The following MTFR1 variants were observed in gnomAD, a reference collection of about 807,000 sequenced individuals.
The protein encoded by MTFR1 is mitochondrial fission regulator 1, also known as chondrocyte protein with a poly-proline region.
MTFR1 carries 28 observed loss-of-function variants against 38.8 expected under a neutral mutation model. That is an observed-to-expected ratio of 0.72 (90% CI 0.53 to 0.99). The LOEUF (loss-of-function observed/expected upper bound fraction) is 0.99. MTFR1 is among the 50% of genes least tolerant of loss of function. The pLI is 0.00. For synonymous variants in MTFR1, 145 were observed against 137.0 expected (o/e 1.06, Z -0.41); for missense variants, 358 against 395.5 (o/e 0.91, Z 0.81).
chr8:65,727,435 T>G (rs528909618), intron 3 of MTFR1: 2 of 1,299,296 alleles, frequency 1.5e-6, no homozygotes, highest in African/African-American at 1.5e-5. Flanking sequence ...CTCAGGTGGT[T>G]GTTCATTAGG....
chr8:65,711,596 C>G (rs910513525), downstream of MTFR1, among the ~76,000 whole-genome samples: 1 of 152,186 alleles, frequency 6.6e-6, no homozygotes, highest in Admixed American at 6.5e-5. Flanking sequence ...GCATTCTTCT[C>G]TGCTACCCTA....
chr8:65,656,937 C>T (rs1156541460), intron 1 of MTFR1, among the ~76,000 whole-genome samples: 2 of 152,118 alleles, frequency 1.3e-5, no homozygotes, highest in African/African-American at 2.4e-5. Context: ...TGAGCCACCA[C>T]ACCTGCAGGA....
At chr8:65,758,565 GCA>G (rs1808345414) in intron 3 of MTFR1, among the ~76,000 whole-genome samples, 1 of 152,184 alleles carries the variant, frequency 6.6e-6, no homozygotes, top group Non-Finnish European at 1.5e-5. Flanking sequence ...CTGAATGTGA[GCA>G]CACACTTGTG....
chr8:65,681,353 C>T (rs1563445736), intron 2 of MTFR1, among the ~76,000 whole-genome samples: 1 of 152,222 alleles, frequency 6.6e-6, no homozygotes, highest in Non-Finnish European at 1.5e-5. Flanking sequence ...CTCCTGGCCT[C>T]AGGTGATCCG....
intron 3 of MTFR1, among the ~76,000 whole-genome samples, chr8:65,767,373 A>G (rs1245274793): frequency 6.6e-6 from 1 of 152,264 alleles, no homozygotes; most frequent in Non-Finnish European, 1.5e-5. Context: ...CAGGTTGAAT[A>G]AAAGTTTTTA....
intron 3 of MTFR1, chr8:65,724,899 C>CT: frequency 6.2e-7 from 1 of 1,603,182 alleles, no homozygotes; most frequent in Non-Finnish European, 8.5e-7. Flanking sequence ...ATCAGAGCAC[C>CT]TATCTGTGTC....
intron 3 of MTFR1, among the ~76,000 whole-genome samples, chr8:65,733,374 A>C (rs1806983971): frequency 6.6e-6 from 1 of 152,166 alleles, no homozygotes; most frequent in Non-Finnish European, 1.5e-5. Flanking sequence ...TCCACTTACC[A>C]GATTGTATGG....
rs368742132 is a variant in MTFR1 at position 65,698,792 on chromosome 8, G to A, written c.281+5033G>A. 7.5e-4 allele frequency among the ~76,000 whole-genome samples: 113 copies of A among 151,326 alleles called. 2 individuals are homozygous for A. In the South Asian group the frequency reaches 0.023, roughly 31 times the overall value. ...TGCCCAGGCTGGAGTGCAATGGCACGATCTCGGCTCACTGCAACCTCCACC... is the reference window on the plus strand; with the variant it reads ...TGCCCAGGCTGGAGTGCAATGGCACAATCTCGGCTCACTGCAACCTCCACC... On this transcript the variant is annotated intron_variant, in intron 4 of 7. Coordinates refer to ENST00000262146, the MANE Select transcript of MTFR1 (RefSeq NM_014637.4).
intron 3 of MTFR1, chr8:65,728,217 CACTTA>C (rs1423332551): frequency 1.3e-5 from 2 of 152,078 alleles, no homozygotes; most frequent in South Asian, 4.1e-4. Context: ...GAGCATACAC[CACTTA>C]TATTAAGTAT....
intron 3 of MTFR1, among the ~76,000 whole-genome samples, chr8:65,738,316 T>A (rs1036126089): frequency 6.6e-6 from 1 of 152,222 alleles, no homozygotes; most frequent in African/African-American, 2.4e-5. Context: ...CTGGGCACTA[T>A]ATGAAATATC....
intron 3 of MTFR1, among the ~76,000 whole-genome samples, chr8:65,746,423 C>A (rs1807680587): frequency 6.6e-6 from 1 of 152,090 alleles, no homozygotes; most frequent in African/African-American, 2.4e-5. Flanking sequence ...ACACTTCTAA[C>A]TTATGGATAT....
At chr8:65,680,237 C>T (rs1240331817) in intron 2 of MTFR1, among the ~76,000 whole-genome samples, 1 of 152,102 alleles carries the variant, frequency 6.6e-6, no homozygotes, top group Non-Finnish European at 1.5e-5. Context: ...AATCCTAACT[C>T]ACTGCAGCCT....
chr8:65,749,087 C>T (rs1208841728), intron 3 of MTFR1, among the ~76,000 whole-genome samples: 1 of 152,224 alleles, frequency 6.6e-6, no homozygotes, highest in Non-Finnish European at 1.5e-5. Flanking sequence ...ATTCAGTACA[C>T]TGCCCCTATC....
intron 2 of MTFR1, among the ~76,000 whole-genome samples, chr8:65,678,937 A>T (rs1804798537): frequency 6.6e-6 from 1 of 152,152 alleles, no homozygotes; most frequent in Non-Finnish European, 1.5e-5. Flanking sequence ...TGTTGAAGGC[A>T]CCTAGTATTT....
chr8:65,673,524 C>T (rs1164146966), intron 2 of MTFR1, among the ~76,000 whole-genome samples: 4 of 151,534 alleles, frequency 2.6e-5, no homozygotes, highest in Admixed American at 1.3e-4. Context: ...TTGATGGGTG[C>T]AGCAAACCAC....
chr8:65,771,905 A>G (rs58251794), downstream of MTFR1, among the ~76,000 whole-genome samples: 3,963 of 144,462 alleles, frequency 0.027, 162 homozygotes, highest in African/African-American at 0.091. Context: ...AAAAAAAAAA[A>G]AAGAAGAAGA....
chr8:65,682,223 C>G, intron 2 of MTFR1, 130 bp from the exon 3 acceptor site: 1 of 360,732 alleles, frequency 2.8e-6, no homozygotes. Flanking sequence ...AGCTTATTTG[C>G]CATAACATTT....
intron 3 of MTFR1, among the ~76,000 whole-genome samples, chr8:65,687,289 AC>A (rs1245141555): frequency 2.6e-5 from 4 of 152,132 alleles, no homozygotes; most frequent in African/African-American, 9.7e-5. Flanking sequence ...ATTCAGTTGA[AC>A]CACTGCACAT....
intron 4 of MTFR1, among the ~76,000 whole-genome samples, chr8:65,701,780 T>C (rs1271512525): frequency 6.6e-6 from 1 of 152,014 alleles, no homozygotes; most frequent in East Asian, 1.9e-4. Context: ...CCCAACCTCT[T>C]AGAGGGTGAC....
Sources: allele counts gnomAD v4.1 joint callset (sites outside exome capture counted in the v4.1 genomes callset), GRCh38; gene constraint gnomAD v4.1.1; transcripts MANE v1.5; gene names NCBI Gene and HGNC (gene_info 2026-07-23, HGNC 2026-07-21).